The following RCSD1 variants were observed in gnomAD, a reference collection of about 807,000 sequenced individuals.
The protein encoded by RCSD1 is RCSD domain containing 1.
RCSD1 carries 26 observed loss-of-function variants against 42.5 expected under a neutral mutation model. The ratio of observed to expected loss-of-function variants is 0.61; its 90% CI spans 0.45 to 0.85. RCSD1 has a LOEUF of 0.85. RCSD1 is among the 40% of genes least tolerant of loss of function. The pLI is 0.00. For missense variants in RCSD1, 571 were observed against 528.3 expected, an observed-to-expected ratio of 1.08 and a Z score of -0.79; for synonymous variants, 220 against 212.2, an observed-to-expected ratio of 1.04 and a Z score of -0.32.
intron 3 of RCSD1, 144 bp downstream of exon 3, chr1:167,685,654 C>A (rs1659216171): frequency 1.6e-6 from 1 of 637,526 alleles, no homozygotes; most frequent in South Asian, 2.1e-5. Flanking sequence ...GAGTGAATCT[C>A]CTCTTAAATG....
intron 1 of RCSD1, among the ~76,000 whole-genome samples, chr1:167,658,637 G>T (rs1455893730): frequency 6.6e-6 from 1 of 151,874 alleles, no homozygotes; most frequent in East Asian, 1.9e-4. Context: ...CACCATATTG[G>T]CCAGGCTGGC....
At chr1:167,671,382 C>T (rs1392782644) in intron 1 of RCSD1, among the ~76,000 whole-genome samples, 2 of 152,238 alleles carry the variant, frequency 1.3e-5, no homozygotes, top group African/African-American at 4.8e-5. Flanking sequence ...TCCTCACAGT[C>T]CTTTCAGCCA....
intron 3 of RCSD1, among the ~76,000 whole-genome samples, chr1:167,685,762 G>A (rs149044882): frequency 6.6e-6 from 1 of 152,268 alleles, no homozygotes; most frequent in East Asian, 1.9e-4. Flanking sequence ...TATTTTCCAA[G>A]CCTGAGAATT....
intron 1 of RCSD1, among the ~76,000 whole-genome samples, chr1:167,661,530 C>A (rs560986609): frequency 2.0e-5 from 3 of 152,362 alleles, no homozygotes; most frequent in African/African-American, 7.2e-5. Context: ...AATCCTGGAT[C>A]CTCTCTGGGT....
intron 6 of RCSD1, among the ~76,000 whole-genome samples, chr1:167,698,313 G>C (rs1300179935): frequency 1.3e-5 from 2 of 152,228 alleles, no homozygotes; most frequent in Non-Finnish European, 2.9e-5. Flanking sequence ...GCAGTGGACA[G>C]GGGGCATTCC....
rs779366183 is a variant in RCSD1, at chr1:167,697,301, A to G, written c.677A>G (p.Glu226Gly). The G allele has an allele frequency of 1.9e-6, 3 of 1,614,054 alleles. No individual in the cohort carries two copies. Among genetic ancestry groups the G allele is most frequent in the Non-Finnish European group, 2.5e-6 (3 of 1,180,002 alleles). ...TTGTCCAGTGAGGGAGCAGCGGGAGAGGGAGTGAGAACCCTGGGACCTGCT... is the reference window on the plus strand; with the variant it reads ...TTGTCCAGTGAGGGAGCAGCGGGAGGGGGAGTGAGAACCCTGGGACCTGCT... Reference protein sequence around the residue: ...SPLSSEGAAGEGVRTLGPAEK... With the variant: ...SPLSSEGAAGGGVRTLGPAEK... The change falls in exon 6 of 7, where the codon GAG (glutamate) becomes GGG (glycine). Residue 226 changes from glutamate to glycine, a missense_variant. Coordinates refer to ENST00000367854, the MANE Select transcript of RCSD1 (RefSeq NM_052862.4).
chr1:167,702,617 A>T (rs1259446187), intron 6 of RCSD1, among the ~76,000 whole-genome samples: 1 of 152,126 alleles, frequency 6.6e-6, no homozygotes, highest in Non-Finnish European at 1.5e-5. Context: ...TGTCTCTACT[A>T]AAAATACAAA....
chr1:167,687,003 G>C lies in RCSD1; in HGVS notation c.198+1493G>C, dbSNP rs561945013. Among the ~76,000 whole-genome samples the C allele has an allele frequency of 5.9e-5, 9 of 152,340 alleles. 1 individual carries two copies. In the South Asian group the frequency reaches 1.9e-3, roughly 32 times the overall value. On this transcript the variant is annotated intron_variant, in intron 3 of 6. Coordinates refer to ENST00000367854, the MANE Select transcript of RCSD1 (RefSeq NM_052862.4). ...TTATCCCCTAGAGTAAAAGCAGAGG[G>C]AGTTAGGCTAGTGATTGGGTTAAAC...
rs1017052697 is a variant in RCSD1 at position 167,705,706 on chromosome 1, G to A, written c.*1010G>A. 4.6e-5 allele frequency: 7 copies of A among 152,112 alleles called. No individual in the cohort carries two copies. Among genetic ancestry groups the A allele is most frequent in the African/African-American group, 1.2e-4 (5 of 41,412 alleles). The allele number at this position is 152,112 out of a possible 1,614,324, so 9.4% of individuals were successfully genotyped here. On this transcript the variant is annotated 3_prime_UTR_variant, in exon 7 of 7. Transcript: ENST00000367854. ...AAGCTTTTCTTGACTCACAGCCCAG[G>A]TTCTTCTGCCCAACACAAAAGGAGT...
intron 3 of RCSD1, among the ~76,000 whole-genome samples, chr1:167,687,896 C>T (rs543702258): frequency 6.6e-6 from 1 of 152,264 alleles, no homozygotes; most frequent in Non-Finnish European, 1.5e-5. Flanking sequence ...AATGCAGCCA[C>T]AGATCCTGCC....
intron 4 of RCSD1, among the ~76,000 whole-genome samples, chr1:167,691,867 TC>T (rs1659386276): frequency 6.6e-6 from 1 of 152,100 alleles, no homozygotes; most frequent in South Asian, 2.1e-4. Context: ...GCTGCAGGGC[TC>T]CTAAATAAGT....
At chr1:167,659,161 A>G (rs928761780) in intron 1 of RCSD1, among the ~76,000 whole-genome samples, 4 of 152,168 alleles carry the variant, frequency 2.6e-5, no homozygotes, top group African/African-American at 9.6e-5. Flanking sequence ...GACAAGTACT[A>G]TCGTAAGTTT....
rs375072827 is a variant in RCSD1, at chr1:167,698,004, C to T, written c.1218+162C>T. ...TGCCAACTTGTTGGAGAAAGGCTGTCGCTGAGGCTGAGGGGACAAAAGGAC... is the reference window on the plus strand; with the variant it reads ...TGCCAACTTGTTGGAGAAAGGCTGTTGCTGAGGCTGAGGGGACAAAAGGAC... On this transcript the variant is annotated intron_variant, in intron 6 of 6. Coordinates refer to ENST00000367854, the MANE Select transcript of RCSD1 (RefSeq NM_052862.4). Among the ~76,000 whole-genome samples the T allele has an allele frequency of 1.6e-4, 24 of 152,304 alleles. 1 individual carries two copies. The East Asian group carries it at 4.1e-3, about 26-fold the overall frequency.
intron 1 of RCSD1, among the ~76,000 whole-genome samples, chr1:167,652,159 T>C (rs1192789491): frequency 6.6e-6 from 1 of 151,822 alleles, no homozygotes; most frequent in Non-Finnish European, 1.5e-5. Flanking sequence ...GTAGCTGGGA[T>C]TACAGGCATG....
chr1:167,701,908 A>C (rs1659654223), intron 6 of RCSD1, among the ~76,000 whole-genome samples: 1 of 152,156 alleles, frequency 6.6e-6, no homozygotes, highest in South Asian at 2.1e-4. Context: ...TTCCTCAGGC[A>C]CCCATGTCTG....
intron 1 of RCSD1, among the ~76,000 whole-genome samples, chr1:167,681,096 G>A (rs1456897021): frequency 6.6e-6 from 1 of 152,206 alleles, no homozygotes; most frequent in Non-Finnish European, 1.5e-5. Flanking sequence ...TCATCCCCAA[G>A]ACCACACTTC....
intron 1 of RCSD1, among the ~76,000 whole-genome samples, chr1:167,645,627 A>G (rs1297260641): frequency 6.6e-6 from 1 of 152,222 alleles, no homozygotes; most frequent in East Asian, 1.9e-4. Context: ...GATGGTAATA[A>G]TGAAGGGGCA....
At chr1:167,702,009 C>T (rs1347807973) in intron 6 of RCSD1, among the ~76,000 whole-genome samples, 4 of 152,306 alleles carry the variant, frequency 2.6e-5, no homozygotes, top group East Asian at 1.9e-4. Context: ...GTTCCTCTGT[C>T]GGTAGAAATA....
At chr1:167,638,946 G>T (rs1309155492) in intron 1 of RCSD1, among the ~76,000 whole-genome samples, 1 of 152,236 alleles carries the variant, frequency 6.6e-6, no homozygotes, top group East Asian at 1.9e-4. Context: ...GGTCGGGGGC[G>T]GTGGCTTATG....
Sources: allele counts gnomAD v4.1 joint callset (sites outside exome capture counted in the v4.1 genomes callset), GRCh38; gene constraint gnomAD v4.1.1; transcripts MANE v1.5; gene names NCBI Gene and HGNC (gene_info 2026-07-23, HGNC 2026-07-21).